The following LIMCH1 variants were observed in gnomAD, a reference collection of about 807,000 sequenced individuals.
LIMCH1 encodes the protein LIM and calponin homology domains 1.
In LIMCH1, 113 loss-of-function variants were observed where a neutral mutation model predicts 176.5. That is an observed-to-expected ratio of 0.64 (90% CI 0.55 to 0.75). The LOEUF (loss-of-function observed/expected upper bound fraction) is 0.75, where lower values mean the gene tolerates loss of function less well. LIMCH1 is among the 30% of genes least tolerant of loss of function. The probability of loss-of-function intolerance (pLI) is 0.00; values close to 1 mark genes in which losing one functional copy is unlikely to be tolerated. For synonymous variants in LIMCH1, 619 were observed against 645.9 expected (o/e 0.96, Z 0.63); for missense variants, 1,674 against 1,814.9 (o/e 0.92, Z 1.41).
chr4:41,401,699 T>C (rs2058459459), intron 1 of LIMCH1, among the ~76,000 whole-genome samples: 1 of 152,148 alleles, frequency 6.6e-6, no homozygotes, highest in Non-Finnish European at 1.5e-5. Context: ...GTATCCTCTT[T>C]TATTTCATTG....
At chr4:41,579,049 A>ATTTT (rs11285726) in intron 1 of LIMCH1, among the ~76,000 whole-genome samples, 1 of 144,878 alleles carries the variant, frequency 6.9e-6, no homozygotes, top group African/African-American at 2.5e-5. Flanking sequence ...AAAATGTGTG[A>ATTTT]TTTTTTTTTT....
intron 1 of LIMCH1, among the ~76,000 whole-genome samples, chr4:41,591,386 C>G (rs1481870853): frequency 3.3e-5 from 5 of 152,028 alleles, no homozygotes; most frequent in Admixed American, 1.3e-4. Flanking sequence ...GGACTACAGG[C>G]ATGCTCCACC....
chr4:41,520,004 A>G (rs1372838511), intron 2 of LIMCH1, among the ~76,000 whole-genome samples: 1 of 152,178 alleles, frequency 6.6e-6, no homozygotes, highest in Admixed American at 6.5e-5. Flanking sequence ...TGTTTTATCT[A>G]TGCTCTCTGA....
chr4:41,362,189 C>G (rs1022357311), intron 1 of LIMCH1, among the ~76,000 whole-genome samples: 1 of 152,194 alleles, frequency 6.6e-6, no homozygotes, highest in African/African-American at 2.4e-5. Flanking sequence ...ACCTGCTTCC[C>G]GCAAGCAAGA....
chr4:41,468,613 A>G (rs896092967), intron 1 of LIMCH1, among the ~76,000 whole-genome samples: 2 of 151,894 alleles, frequency 1.3e-5, no homozygotes, highest in African/African-American at 4.8e-5. Flanking sequence ...TACATAGTAG[A>G]CAGTACATAT....
chr4:41,415,715 C>T (rs373332868), intron 1 of LIMCH1, among the ~76,000 whole-genome samples: 2 of 152,148 alleles, frequency 1.3e-5, no homozygotes, highest in African/African-American at 2.4e-5. Flanking sequence ...CGGTGGCTCA[C>T]GCCTGTAATC....
chr4:41,671,040 T>C (rs1400346809), intron 21 of LIMCH1: 3 of 940,738 alleles, frequency 3.2e-6, no homozygotes, highest in Non-Finnish European at 3.8e-6. Context: ...CATCATTTTC[T>C]TGAGAGTCCC....
At chr4:41,364,952 C>T (rs2052746395) in intron 1 of LIMCH1, among the ~76,000 whole-genome samples, 1 of 152,018 alleles carries the variant, frequency 6.6e-6, no homozygotes, top group Non-Finnish European at 1.5e-5. Flanking sequence ...GGTTAGATGA[C>T]TCTGATTTTC....
chr4:41,494,556 T>C (rs767722810), exon 2 of LIMCH1: 1 of 1,613,386 alleles, frequency 6.2e-7, no homozygotes, highest in Non-Finnish European at 8.5e-7. Context: ...GCAGAAGTTT[T>C]GGTGATAAAG....
At chr4:41,612,620 C>T (rs776395107) in intron 4 of LIMCH1, 3 of 702,442 alleles carry the variant, frequency 4.3e-6, no homozygotes, top group African/African-American at 3.5e-5. Context: ...ATGGCTTTGA[C>T]TGACCTTTCT....
intron 3 of LIMCH1, among the ~76,000 whole-genome samples, chr4:41,531,262 C>A (rs1006221770): frequency 1.3e-5 from 2 of 151,916 alleles, no homozygotes; most frequent in African/African-American, 4.8e-5. Context: ...GAGGAAGTGG[C>A]CTTTTTGAAA....
intron 2 of LIMCH1, among the ~76,000 whole-genome samples, chr4:41,507,697 G>A (rs1289119615): frequency 3.3e-5 from 5 of 152,214 alleles, no homozygotes; most frequent in Non-Finnish European, 7.3e-5. Flanking sequence ...TTTGGAGTCA[G>A]GAATGAGTAG....
intron 4 of LIMCH1, chr4:41,612,995 T>G (rs1292711854): frequency 6.4e-7 from 1 of 1,550,534 alleles, no homozygotes; most frequent in East Asian, 2.4e-5. Context: ...AAATGTTGCC[T>G]GTATTTGCCA....
At chr4:41,392,687 A>G (rs936847439) in intron 1 of LIMCH1, among the ~76,000 whole-genome samples, 5 of 152,138 alleles carry the variant, frequency 3.3e-5, no homozygotes, top group African/African-American at 9.7e-5. Context: ...CATCTCATCT[A>G]GGGTCATATG....
At chr4:41,469,339 G>T (rs540209838) in intron 1 of LIMCH1, among the ~76,000 whole-genome samples, 56 of 152,312 alleles carry the variant, frequency 3.7e-4, no homozygotes, top group African/African-American at 1.3e-3. Flanking sequence ...ATCATACTAT[G>T]CTGGTCTATT....
chr4:41,634,571 G>A (rs935538445), intron 13 of LIMCH1, among the ~76,000 whole-genome samples: 1 of 152,118 alleles, frequency 6.6e-6, no homozygotes, highest in Non-Finnish European at 1.5e-5. Context: ...CAATACCCTA[G>A]CCATCTTGAT....
chr4:41,535,591 TTACAGTCAC>T (rs2077825590), upstream of LIMCH1, among the ~76,000 whole-genome samples: 1 of 152,154 alleles, frequency 6.6e-6, no homozygotes, highest in Non-Finnish European at 1.5e-5. Flanking sequence ...AATTACCTTC[TTACAGTCAC>T]TACAGTCACA....
chr4:41,591,481 G>A (rs2087557052), intron 1 of LIMCH1, among the ~76,000 whole-genome samples: 1 of 152,068 alleles, frequency 6.6e-6, no homozygotes, highest in South Asian at 2.1e-4. Context: ...TGGCCTCAAG[G>A]GGTCCTCCTG....
intron 14 of LIMCH1, among the ~76,000 whole-genome samples, chr4:41,643,811 C>G (rs920788757): frequency 6.6e-6 from 1 of 152,044 alleles, no homozygotes; most frequent in African/African-American, 2.4e-5. Flanking sequence ...TTTCTTGATT[C>G]CAAGATGCCA....
Sources: gnomAD v4.1 joint callset for allele counts (sites outside exome capture counted in the v4.1 genomes callset) on GRCh38, gnomAD v4.1.1 for gene constraint, MANE v1.5 for transcripts, NCBI Gene and HGNC (gene_info 2026-07-23, HGNC 2026-07-21) for gene names.